Variants in GPNMB observed in about 807,000 individuals in gnomAD.
GPNMB encodes the protein transmembrane glycoprotein NMB.
GPNMB carries 71 observed loss-of-function variants against 57.3 expected under a neutral mutation model. The observed-to-expected ratio is 1.24, with a 90% confidence interval of 1.02 to 1.51. The LOEUF (loss-of-function observed/expected upper bound fraction) is 1.51. Among genes scored for constraint, GPNMB ranks in the 40% most tolerant of loss-of-function variants. GPNMB has a pLI of 0.00. For synonymous variants in GPNMB, 253 were observed against 263.2 expected, an observed-to-expected ratio of 0.96 and a Z score of 0.38; for missense variants, 677 against 691.9, an observed-to-expected ratio of 0.98 and a Z score of 0.24.
rs75801644 is a variant in GPNMB at position 23,266,522 on chromosome 7, G to A, written c.1024G>A (p.Ala342Thr). ...PSKPTPSLGP[A>T]GDNPLELSRI... Reference sequence around the variant, plus strand: ...TTATGATTCAAACACCCCAGGACCTGCTGGTGACAACCCCCTGGAGCTGAG... The same window carrying A: ...TTATGATTCAAACACCCCAGGACCTACTGGTGACAACCCCCTGGAGCTGAG... Residue 342 changes from alanine to threonine, a missense_variant, in exon 7 of 11, where the codon GCT becomes ACT. By Grantham distance (58) the Ala-to-Thr change is moderately conservative. Transcript: ENST00000258733. The A allele has an allele frequency of 0.02, 32,781 of 1,612,754 alleles. 401 individuals carry two copies. The highest frequency in any genetic ancestry group is 0.054 in the Middle Eastern group (326 of 6,060).
chr7:23,269,168 C>T (rs1783138745), intron 8 of GPNMB, among the ~76,000 whole-genome samples: 1 of 152,076 alleles, frequency 6.6e-6, no homozygotes, highest in South Asian at 2.1e-4. Flanking sequence ...GGTTGATCAC[C>T]TGAAGTCAGG....
At position 23,246,911 on chromosome 7, in the gene GPNMB, A is replaced by G. The variant is rs1185515790; in HGVS notation, c.54A>G (p.Pro18=). Residue 18 remains proline (P), a synonymous_variant, in exon 1 of 11, where the codon CCA becomes CCG. Coordinates refer to ENST00000258733, the MANE Select transcript of GPNMB (RefSeq NM_002510.3). ...LGFLLLAARL[P]LDAAKRFHDV... The stretch of plus-strand genomic sequence containing the variant: ...TTCTGCTCCTGGCTGCAAGATTGCC[A>G]CTTGATGCCGCCAAACGTGAGTAAC... 1 of 1,613,154 alleles carries G rather than the reference A, an allele frequency of 6.2e-7. No individual in the cohort carries two copies. Among genetic ancestry groups the G allele is most frequent in the South Asian group, 1.1e-5 (1 of 91,042 alleles).
intron 6 of GPNMB, among the ~76,000 whole-genome samples, chr7:23,262,058 C>T (rs1035171725): frequency 6.6e-6 from 1 of 152,046 alleles, no homozygotes; most frequent in Non-Finnish European, 1.5e-5. Context: ...ACCAAGCCCA[C>T]GACGGTCCAT....
chr7:23,268,408 G>T (rs940679155), intron 8 of GPNMB, among the ~76,000 whole-genome samples: 2 of 152,130 alleles, frequency 1.3e-5, no homozygotes, highest in African/African-American at 4.8e-5. Context: ...TCACAGGAGT[G>T]CTCTTAAGCT....
Position 23,270,055 on chromosome 7 carries a change from A to G in GPNMB, c.1309A>G (p.Met437Val), listed in dbSNP as rs1312579311. 1.2e-6 allele frequency: 2 copies of G among 1,614,004 alleles called. No individual in the cohort carries two copies. Among genetic ancestry groups the G allele is most frequent in the Non-Finnish European group, 1.7e-6 (2 of 1,179,948 alleles). The change falls in exon 9 of 11, where the codon ATG becomes GTG. Residue 437 changes from methionine (M) to valine (V), a missense_variant. Met to Val is a conservative substitution (Grantham distance 21, BLOSUM62 1). Coordinates refer to ENST00000258733, the MANE Select transcript of GPNMB (RefSeq NM_002510.3). ...CTGCAGCCCTGTGGATGTGGATGAG[A>G]TGTGTCTGCTGACTGTGAGACGAAC... ...TVCSPVDVDEMCLLTVRRTFN... is the reference protein window; with the variant it reads ...TVCSPVDVDEVCLLTVRRTFN...
chr7:23,267,740 C>A lies in GPNMB; in HGVS notation c.1118-146C>A, dbSNP rs1278505512. On this transcript the variant is annotated intron_variant, in intron 7 of 10. Transcript: ENST00000258733. The stretch of plus-strand genomic sequence containing the variant: ...CATGACCTAACTACCTCCCAAAGAC[C>A]CCCCTCCTAATGCTATCACCTTGGG... 9.1e-6 allele frequency: 6 copies of A among 657,394 alleles called. No homozygotes were observed. The East Asian group carries it at 1.6e-4, about 17-fold the overall frequency. The allele number at this position is 657,394 out of a possible 1,614,324, so 40.7% of individuals were successfully genotyped here. A position where few individuals can be genotyped will look rare whatever the true frequency, so the allele number is the denominator to read the frequency against.
At chr7:23,261,711 C>T (rs1299661807) in intron 6 of GPNMB, among the ~76,000 whole-genome samples, 2 of 152,026 alleles carry the variant, frequency 1.3e-5, no homozygotes, top group African/African-American at 2.4e-5. Context: ...AGCACACCAA[C>T]ATGGCACATG....
intron 6 of GPNMB, among the ~76,000 whole-genome samples, chr7:23,265,251 T>C (rs1783029973): frequency 6.6e-6 from 1 of 152,154 alleles, no homozygotes; most frequent in Admixed American, 6.5e-5. Context: ...TGAGAAGCCC[T>C]GGGGAAATCT....
chr7:23,251,450 A>G (rs1782659669), intron 1 of GPNMB, among the ~76,000 whole-genome samples: 2 of 152,372 alleles, frequency 1.3e-5, no homozygotes, highest in South Asian at 4.1e-4. Context: ...AATACAGATA[A>G]TTGAGCTTTG....
At chr7:23,273,316 G>A (rs1783255629) in intron 9 of GPNMB, 2 of 547,790 alleles carry the variant, frequency 3.7e-6, no homozygotes, top group Non-Finnish European at 3.2e-6. Flanking sequence ...TTACCACAGT[G>A]TTCCAGACAT....
Position 23,260,133 on chromosome 7 carries a change from T to A in GPNMB, c.695T>A (p.Val232Glu). Reference sequence around the variant, plus strand: ...GCACAAGTGAAAGATGTGTACGTGGTAACAGGTGAGTGGTGTGAACTCTAA... The same window carrying A: ...GCACAAGTGAAAGATGTGTACGTGGAAACAGGTGAGTGGTGTGAACTCTAA... ...PIAQVKDVYV[V>E]TDQIPVFVTM... The change falls in exon 5 of 11, where the codon GTA becomes GAA. Residue 232 changes from valine (V) to glutamate (E), a missense_variant. Transcript: ENST00000258733. The A allele has an allele frequency of 6.2e-7, 1 of 1,613,930 alleles. No homozygotes were observed. Among genetic ancestry groups the A allele is most frequent in the Non-Finnish European group, 8.5e-7 (1 of 1,179,840 alleles).
chr7:23,266,584 T>C lies in GPNMB; in HGVS notation c.1086T>C (p.Tyr362=), dbSNP rs1409541911. 6.2e-7 allele frequency: 1 copy of C among 1,613,936 alleles called. No homozygotes were observed. Among genetic ancestry groups the C allele is most frequent in the East Asian group, 2.2e-5 (1 of 44,900 alleles). Residue 362 remains tyrosine (Y), a synonymous_variant, in exon 7 of 11, where the codon TAT becomes TAC. Transcript: ENST00000258733. The part of the protein sequence containing the change: ...IPDENCQINR[Y]GHFQATITIV... Reference sequence around the variant, plus strand: ...ATGAAAACTGCCAGATTAACAGATATGGCCACTTTCAAGCCACCATCACAA... The same window carrying C: ...ATGAAAACTGCCAGATTAACAGATACGGCCACTTTCAAGCCACCATCACAA...
intron 6 of GPNMB, 53 bp from the exon 7 acceptor site, chr7:23,266,464 A>C: frequency 6.3e-7 from 1 of 1,582,900 alleles, no homozygotes. Flanking sequence ...TATCACATGT[A>C]TCTTTTATGT....
At chr7:23,268,684 T>G (rs1259469779) in intron 8 of GPNMB, among the ~76,000 whole-genome samples, 1 of 152,114 alleles carries the variant, frequency 6.6e-6, no homozygotes, top group Non-Finnish European at 1.5e-5. Flanking sequence ...ATCAGGAGAA[T>G]GAAGTGGTAT....
At chr7:23,253,569 T>G in intron 2 of GPNMB, 110 bp downstream of exon 2, 4 of 901,932 alleles carry the variant, frequency 4.4e-6, no homozygotes, top group Non-Finnish European at 6.7e-6. Flanking sequence ...CGAATGACAG[T>G]GCTCTCATTA....
At chr7:23,248,211 A>C (rs566861143) in intron 1 of GPNMB, among the ~76,000 whole-genome samples, 1 of 152,326 alleles carries the variant, frequency 6.6e-6, no homozygotes, top group South Asian at 2.1e-4. Context: ...AGAGACGTGC[A>C]TGGTGGGGAT....
In GPNMB at chr7:23,256,946, A is replaced by G. The variant is rs965874755; in HGVS notation, c.422A>G (p.Asp141Gly). 6.2e-7 allele frequency: 1 copy of G among 1,614,184 alleles called. No homozygotes were observed. The highest frequency in any genetic ancestry group is 1.1e-5 in the South Asian group (1 of 91,086). Residue 141 changes from aspartate (D) to glycine (G), a missense_variant, in exon 4 of 11, where the codon GAC becomes GGC. Asp to Gly is a moderately conservative substitution (Grantham distance 94). Coordinates refer to ENST00000258733, the MANE Select transcript of GPNMB (RefSeq NM_002510.3). ...TACAACTGGACAGCATGGTCAGAGG[A>G]CAGTGACGGGGAAAATGGCACCGGC... ...YVYNWTAWSEDSDGENGTGQS... is the reference protein window; with the variant it reads ...YVYNWTAWSEGSDGENGTGQS...
At chr7:23,255,971 A>G (rs1285839686) in intron 3 of GPNMB, among the ~76,000 whole-genome samples, 1 of 152,074 alleles carries the variant, frequency 6.6e-6, no homozygotes, top group South Asian at 2.1e-4. Flanking sequence ...CAGTGGCACA[A>G]TCTTGGCTCA....
intron 8 of GPNMB, among the ~76,000 whole-genome samples, chr7:23,269,635 G>A (rs897613541): frequency 3.3e-5 from 5 of 152,270 alleles, no homozygotes; most frequent in East Asian, 1.9e-4. Flanking sequence ...CTGCATCTTC[G>A]AACATTCTAG....
Sources: allele counts gnomAD v4.1 joint callset (sites outside exome capture counted in the v4.1 genomes callset), GRCh38; gene constraint gnomAD v4.1.1; transcripts MANE v1.5; gene names NCBI Gene and HGNC (gene_info 2026-07-23, HGNC 2026-07-21).